Variants in PTPRN2 observed in about 807,000 individuals in gnomAD.
The protein encoded by PTPRN2 is protein tyrosine phosphatase receptor type N2.
A neutral mutation model predicts 118.8 loss-of-function variants in PTPRN2; 74 were observed. The ratio of observed to expected loss-of-function variants is 0.62; its 90% confidence interval spans 0.52 to 0.76. The LOEUF (loss-of-function observed/expected upper bound fraction) is 0.76, where lower values mean the gene tolerates loss of function less well. Ranked by LOEUF, PTPRN2 falls within the 30% of genes least tolerant of loss-of-function variation. The probability of loss-of-function intolerance (pLI) is 0.00; values close to 1 mark genes in which losing one functional copy is unlikely to be tolerated. For missense variants in PTPRN2, 1,481 were observed against 1,394.4 expected, an observed-to-expected ratio of 1.06 and a Z score of -0.99; for synonymous variants, 641 against 608.0, an observed-to-expected ratio of 1.05 and a Z score of -0.80.
intron 1 of PTPRN2, among the ~76,000 whole-genome samples, chr7:158,559,508 G>A (rs528317689): frequency 5.3e-4 from 81 of 152,186 alleles, no homozygotes; most frequent in African/African-American, 1.9e-3. Context: ...TGCAAATAAC[G>A]ACTGTCCCAT....
At chr7:158,261,744 A>C (rs1473529447) in intron 3 of PTPRN2, among the ~76,000 whole-genome samples, 1 of 152,216 alleles carries the variant, frequency 6.6e-6, no homozygotes, top group Non-Finnish European at 1.5e-5. Context: ...GGAAGACGCC[A>C]TGCAGAAGCC....
At chr7:157,568,860 C>T in intron 21 of PTPRN2, 42 bp downstream of exon 21, 1 of 1,523,858 alleles carries the variant, frequency 6.6e-7, no homozygotes, top group South Asian at 1.1e-5. Context: ...CGACGCCATC[C>T]CAGCTCTGAG....
intron 13 of PTPRN2, 95 bp from the exon 14 acceptor site, chr7:157,656,646 C>T: frequency 8.1e-7 from 1 of 1,235,672 alleles, no homozygotes; most frequent in Non-Finnish European, 1.1e-6. Flanking sequence ...AACCCCTTCT[C>T]CTGCTAAGAT....
chr7:157,633,644 C>T (rs1316651827), intron 14 of PTPRN2, among the ~76,000 whole-genome samples: 1 of 152,152 alleles, frequency 6.6e-6, no homozygotes, highest in East Asian at 1.9e-4. Flanking sequence ...TGGGCCGAGT[C>T]CCCGATGCTA....
chr7:158,537,087 C>G (rs1210141479), intron 1 of PTPRN2, among the ~76,000 whole-genome samples: 1 of 152,194 alleles, frequency 6.6e-6, no homozygotes, highest in Non-Finnish European at 1.5e-5. Context: ...TGTGAGGTCC[C>G]AGTGAGAAGA....
intron 12 of PTPRN2, among the ~76,000 whole-genome samples, chr7:157,827,621 G>A (rs193284640): frequency 9.8e-5 from 15 of 152,328 alleles, no homozygotes; most frequent in African/African-American, 2.4e-4. Flanking sequence ...TGGGCACTGC[G>A]TCCACAAAGG....
At chr7:157,727,587 G>T (rs564043485) in intron 12 of PTPRN2, among the ~76,000 whole-genome samples, 1 of 152,312 alleles carries the variant, frequency 6.6e-6, no homozygotes, top group South Asian at 2.1e-4. Flanking sequence ...ATGATGGAAG[G>T]TTCTGGAAAT....
At chr7:158,421,812 A>C (rs891547796) in intron 2 of PTPRN2, among the ~76,000 whole-genome samples, 1 of 152,350 alleles carries the variant, frequency 6.6e-6, no homozygotes, top group Non-Finnish European at 1.5e-5. Flanking sequence ...TTTACATTTA[A>C]AAGTAGTGAC....
chr7:157,578,807 T>C (rs941569101), intron 17 of PTPRN2, among the ~76,000 whole-genome samples: 1 of 152,248 alleles, frequency 6.6e-6, no homozygotes, highest in Non-Finnish European at 1.5e-5. Flanking sequence ...ACTGGCTACT[T>C]GTGGCTGTAA....
At chr7:158,178,787 C>T (rs142786851) in intron 5 of PTPRN2, among the ~76,000 whole-genome samples, 5,710 of 151,584 alleles carry the variant, frequency 0.038, 378 homozygotes, top group African/African-American at 0.13. Flanking sequence ...TTAGTAGAGA[C>T]GAGGTTTCAT....
At position 158,275,274 on chromosome 7, in the gene PTPRN2, C is replaced by T. The variant is rs556825033; in HGVS notation, c.277+41545G>A. On this transcript the variant is annotated intron_variant, in intron 3 of 22. Coordinates refer to ENST00000389418, the MANE Select transcript of PTPRN2 (RefSeq NM_002847.5). ...TGGCCCAGGTGCCTGCCCACTTCCT[C>T]GGAGGGCCTCTGAACAAGCTGCAGG... is the stretch of plus-strand genomic sequence containing the variant. Among the ~76,000 whole-genome samples, 22 of 152,268 alleles carry T rather than the reference C, an allele frequency of 1.4e-4. No individual in the cohort carries two copies. In the East Asian group the frequency reaches 3.3e-3, roughly 23 times the overall value.
chr7:157,887,870 C>T (rs1200165114), intron 12 of PTPRN2, among the ~76,000 whole-genome samples: 4 of 142,718 alleles, frequency 2.8e-5, no homozygotes, highest in Non-Finnish European at 6.1e-5. Context: ...AGTATTTGCT[C>T]CCCCCAGTAC....
chr7:158,185,297 T>C (rs1259065427), intron 5 of PTPRN2, among the ~76,000 whole-genome samples: 1 of 152,214 alleles, frequency 6.6e-6, no homozygotes, highest in Non-Finnish European at 1.5e-5. Flanking sequence ...ATATTCTATA[T>C]AACATACTCA....
intron 1 of PTPRN2, among the ~76,000 whole-genome samples, chr7:158,584,736 C>T (rs1392047509): frequency 6.6e-6 from 1 of 152,200 alleles, no homozygotes; most frequent in Non-Finnish European, 1.5e-5. Context: ...AATAAGTCAG[C>T]ATCGTGGAGT....
chr7:158,457,761 G>A (rs1042381448), intron 2 of PTPRN2, among the ~76,000 whole-genome samples: 2 of 146,028 alleles, frequency 1.4e-5, no homozygotes, highest in Non-Finnish European at 3.0e-5. Flanking sequence ...CGGCCTGCGG[G>A]AACACAGCGG....
At chr7:158,158,268 T>C (rs530367460) in intron 6 of PTPRN2, among the ~76,000 whole-genome samples, 128 of 152,372 alleles carry the variant, frequency 8.4e-4, no homozygotes, top group Middle Eastern at 3.4e-3. Context: ...TCTACTGCTG[T>C]CACCGTGAAA....
intron 2 of PTPRN2, among the ~76,000 whole-genome samples, chr7:158,435,622 C>T (rs1250329646): frequency 2.6e-5 from 4 of 152,214 alleles, no homozygotes; most frequent in Admixed American, 2.6e-4. Flanking sequence ...TACTTGCATT[C>T]CCACACTAAC....
intron 12 of PTPRN2, among the ~76,000 whole-genome samples, chr7:157,718,627 C>T (rs1386267447): frequency 2.0e-5 from 3 of 151,452 alleles, no homozygotes; most frequent in Non-Finnish European, 2.9e-5. Context: ...CAGCCTCTCT[C>T]GGTGGCCCCG....
chr7:158,029,361 T>G (rs1419876166), intron 11 of PTPRN2: 3 of 152,284 alleles, frequency 2.0e-5, no homozygotes, highest in Admixed American at 6.5e-5. Context: ...TCTAAAAGCA[T>G]TCTTCCGAAT....
Sources: allele counts gnomAD v4.1 joint callset (sites outside exome capture counted in the v4.1 genomes callset), GRCh38; gene constraint gnomAD v4.1.1; transcripts MANE v1.5; gene names NCBI Gene and HGNC (gene_info 2026-07-23, HGNC 2026-07-21).